The following RPS6KC1 variants were observed in gnomAD, a reference collection of about 807,000 sequenced individuals.
RPS6KC1 encodes ribosomal protein S6 kinase C1.
RPS6KC1 carries 54 observed loss-of-function variants against 103.8 expected under a neutral mutation model. The ratio of observed to expected loss-of-function variants is 0.52; its 90% confidence interval spans 0.42 to 0.65. The LOEUF is 0.65. RPS6KC1 is among the 30% of genes least tolerant of loss of function. The pLI, the probability that RPS6KC1 is intolerant of heterozygous loss-of-function variation, is 0.00. For missense variants in RPS6KC1, 1,151 were observed against 1,253.8 expected (o/e 0.92, Z 1.24); for synonymous variants, 439 against 438.7 (o/e 1.00, Z -0.01).
chr1:213,581,235 A>T, the RPS6KC1 span, among the ~76,000 whole-genome samples: 4 of 151,946 alleles, frequency 2.6e-5, no homozygotes, highest in African/African-American at 7.2e-5. Flanking sequence ...TCTGGAAGAG[A>T]TGCAGCCTCG....
At chr1:213,403,400 A>C in the RPS6KC1 span, among the ~76,000 whole-genome samples, 1 of 151,474 alleles carries the variant, frequency 6.6e-6, no homozygotes, top group East Asian at 2.0e-4. Context: ...TCTTGTGGCT[A>C]CTCCCTCTGC....
the RPS6KC1 span, among the ~76,000 whole-genome samples, chr1:213,597,057 G>A: frequency 6.6e-6 from 1 of 152,170 alleles, no homozygotes; most frequent in Non-Finnish European, 1.5e-5. Context: ...GTGCGCCAAG[G>A]AGGATGGCAT....
the RPS6KC1 span, among the ~76,000 whole-genome samples, chr1:213,589,120 A>G: frequency 6.6e-6 from 1 of 151,994 alleles, no homozygotes; most frequent in Admixed American, 6.6e-5. Context: ...GAGGCCTGGG[A>G]TCCCTGAACC....
At chr1:213,711,440 G>A in the RPS6KC1 span, among the ~76,000 whole-genome samples, 3 of 152,004 alleles carry the variant, frequency 2.0e-5, no homozygotes, top group Admixed American at 1.3e-4. Context: ...TAGCTTTCTT[G>A]CATTGGGTTA....
chr1:213,765,747 C>A, the RPS6KC1 span, among the ~76,000 whole-genome samples: 4 of 152,174 alleles, frequency 2.6e-5, no homozygotes, highest in Admixed American at 6.5e-5. Context: ...CCAACCCACA[C>A]CTGTAGCAGA....
chr1:213,057,752 C>CTTTTTTTTTTTTTT (rs869259657), intron 1 of RPS6KC1, among the ~76,000 whole-genome samples: 1 of 73,700 alleles, frequency 1.4e-5, no homozygotes, highest in Non-Finnish European at 2.4e-5. Context: ...TCTGAAGTAT[C>CTTTTTTTTTTTTTT]TTTTTTTTTT....
At chr1:213,332,876 C>T in the RPS6KC1 span, among the ~76,000 whole-genome samples, 2 of 152,162 alleles carry the variant, frequency 1.3e-5, no homozygotes, top group African/African-American at 4.8e-5. Context: ...AGTGGCTTTT[C>T]TAACCATGGC....
At chr1:213,743,950 A>C in the RPS6KC1 span, among the ~76,000 whole-genome samples, 96 of 152,326 alleles carry the variant, frequency 6.3e-4, 1 homozygote, top group Admixed American at 2.5e-3. Flanking sequence ...ACTCAGCCAT[A>C]AAAGGGAACA....
At chr1:213,070,721 CATCTATTTACAT>C (rs1220664678) in intron 1 of RPS6KC1, among the ~76,000 whole-genome samples, 5 of 152,188 alleles carry the variant, frequency 3.3e-5, no homozygotes, top group Non-Finnish European at 5.9e-5. Flanking sequence ...AGTCTTTACA[CATCTATTTACAT>C]ATCTATTTCT....
the RPS6KC1 span, among the ~76,000 whole-genome samples, chr1:213,674,342 T>C: frequency 2.0e-5 from 3 of 152,282 alleles, no homozygotes; most frequent in African/African-American, 7.2e-5. Flanking sequence ...TGTTTATGAG[T>C]ACCCAATGTT....
chr1:213,530,216 C>G, the RPS6KC1 span, among the ~76,000 whole-genome samples: 1 of 152,152 alleles, frequency 6.6e-6, no homozygotes. Context: ...TGGCCCATCT[C>G]CTGTTTTTCC....
chr1:213,107,761 A>G (rs2082635277), intron 4 of RPS6KC1, among the ~76,000 whole-genome samples: 1 of 152,198 alleles, frequency 6.6e-6, no homozygotes, highest in Non-Finnish European at 1.5e-5. Context: ...GTAATGTTTG[A>G]ACTTACCAGT....
intron 12 of RPS6KC1, among the ~76,000 whole-genome samples, chr1:213,257,791 T>C (rs1249229922): frequency 1.4e-4 from 3 of 21,146 alleles, no homozygotes; most frequent in African/African-American, 2.3e-4. Context: ...TAAAACTTTT[T>C]TTTTTTTTTT....
chr1:213,143,649 T>G (rs1324892707), intron 6 of RPS6KC1, among the ~76,000 whole-genome samples: 1 of 152,048 alleles, frequency 6.6e-6, no homozygotes, highest in African/African-American at 2.4e-5. Context: ...CAGTTCAAAA[T>G]ATTTTTCATG....
chr1:213,071,176 C>T (rs888557139), intron 2 of RPS6KC1, 135 bp downstream of exon 2: 2 of 530,016 alleles, frequency 3.8e-6, no homozygotes, highest in Non-Finnish European at 6.7e-6. Flanking sequence ...GTTGCTCAGG[C>T]TGGAGTGCAG....
chr1:213,369,220 G>A, the RPS6KC1 span, among the ~76,000 whole-genome samples: 5 of 152,154 alleles, frequency 3.3e-5, no homozygotes, highest in East Asian at 9.6e-4. Context: ...GAAGTTATAG[G>A]GCATGAGTGA....
chr1:213,462,839 G>A, the RPS6KC1 span, among the ~76,000 whole-genome samples: 1 of 152,112 alleles, frequency 6.6e-6, no homozygotes, highest in Non-Finnish European at 1.5e-5. Flanking sequence ...ACCACGGCAC[G>A]TGTATACCTG....
chr1:213,622,444 A>G, the RPS6KC1 span, among the ~76,000 whole-genome samples: 7 of 152,212 alleles, frequency 4.6e-5, no homozygotes, highest in East Asian at 1.4e-3. Context: ...ACAGTAGGGC[A>G]TGCTTAATTC....
the RPS6KC1 span, among the ~76,000 whole-genome samples, chr1:213,506,857 G>A: frequency 6.6e-6 from 1 of 152,178 alleles, no homozygotes; most frequent in Non-Finnish European, 1.5e-5. Context: ...AAAAGAATTA[G>A]TGATAATAGA....
Sources: gnomAD v4.1 joint callset for allele counts (sites outside exome capture counted in the v4.1 genomes callset) on GRCh38, gnomAD v4.1.1 for gene constraint, MANE v1.5 for transcripts, NCBI Gene and HGNC (gene_info 2026-07-23, HGNC 2026-07-21) for gene names.